COL23A1: variants seen among roughly 807,000 people sequenced by gnomAD.
COL23A1 encodes the protein collagen type XXIII alpha 1 chain, also known as collagen alpha-1(XXIII) chain.
A neutral mutation model predicts 99.3 loss-of-function variants in COL23A1; 97 were observed. The ratio of observed to expected loss-of-function variants is 0.98; its 90% CI spans 0.83 to 1.16. COL23A1 has a LOEUF of 1.16. Among genes scored for constraint, COL23A1 ranks in the 50% most tolerant of loss-of-function variants. The probability of loss-of-function intolerance (pLI) is 0.00; values close to 1 mark genes in which losing one functional copy is unlikely to be tolerated. For missense variants in COL23A1, 762 were observed against 757.4 expected (o/e 1.01, Z -0.07); for synonymous variants, 320 against 308.2 (o/e 1.04, Z -0.40).
intron 27 of COL23A1, among the ~76,000 whole-genome samples, chr5:178,241,385 C>T (rs1764389476): frequency 1.3e-5 from 2 of 152,100 alleles, no homozygotes. Context: ...GAGGGAGGTG[C>T]TGCCCCAGCC....
intron 5 of COL23A1, among the ~76,000 whole-genome samples, chr5:178,274,550 A>T (rs922168292): frequency 4.0e-5 from 6 of 148,678 alleles, no homozygotes; most frequent in South Asian, 4.2e-4. Context: ...GGGCGGGGGC[A>T]TGCCTTGGGT....
chr5:178,351,567 G>T (rs570475661), intron 2 of COL23A1, among the ~76,000 whole-genome samples: 3 of 152,292 alleles, frequency 2.0e-5, no homozygotes, highest in Non-Finnish European at 1.5e-5. Context: ...TAACAGGAAG[G>T]ATGAGACAGA....
chr5:178,358,691 GTA>G (rs1761996630), intron 2 of COL23A1, among the ~76,000 whole-genome samples: 1 of 146,178 alleles, frequency 6.8e-6, no homozygotes, highest in Non-Finnish European at 1.5e-5. Flanking sequence ...GTATGTGTGT[GTA>G]TGTATGTGTA....
intron 2 of COL23A1, among the ~76,000 whole-genome samples, chr5:178,339,254 A>G (rs1374024304): frequency 6.6e-6 from 1 of 152,148 alleles, no homozygotes; most frequent in East Asian, 1.9e-4. Flanking sequence ...ACCTCCTAAG[A>G]GATGGACAGG....
At chr5:178,293,074 C>G (rs1232837067) in intron 3 of COL23A1, among the ~76,000 whole-genome samples, 1 of 151,864 alleles carries the variant, frequency 6.6e-6, no homozygotes, top group Admixed American at 6.6e-5. Context: ...GGGATGTGGA[C>G]AGTGGGTGCT....
chr5:178,503,519 G>C (rs1758692430), intron 2 of COL23A1, among the ~76,000 whole-genome samples: 1 of 152,180 alleles, frequency 6.6e-6, no homozygotes, highest in Non-Finnish European at 1.5e-5. Flanking sequence ...TAATGTGGTT[G>C]TGTAAGAGAA....
chr5:178,318,069 G>C (rs1460193561), intron 2 of COL23A1, among the ~76,000 whole-genome samples: 2 of 152,196 alleles, frequency 1.3e-5, no homozygotes, highest in African/African-American at 4.8e-5. Context: ...CCGTATCAGG[G>C]AGGGACAAAG....
At chr5:178,491,250 T>C (rs1020726249) in intron 2 of COL23A1, among the ~76,000 whole-genome samples, 2 of 152,104 alleles carry the variant, frequency 1.3e-5, no homozygotes, top group African/African-American at 2.4e-5. Flanking sequence ...CCCCTCATCC[T>C]CGTGGCCATC....
intron 1 of COL23A1, among the ~76,000 whole-genome samples, chr5:178,563,658 A>G (rs1762714263): frequency 6.7e-6 from 1 of 149,534 alleles, no homozygotes; most frequent in Non-Finnish European, 1.5e-5. Flanking sequence ...CAGCCTCCTG[A>G]GTAGCTGAGT....
chr5:178,386,259 T>C (rs529599170), intron 2 of COL23A1, among the ~76,000 whole-genome samples: 7 of 152,060 alleles, frequency 4.6e-5, no homozygotes, highest in Non-Finnish European at 1.0e-4. Flanking sequence ...GGCAACACGG[T>C]GAAACCCCGT....
At chr5:178,252,500 G>T in intron 17 of COL23A1, 44 bp downstream of exon 17, 1 of 1,570,008 alleles carries the variant, frequency 6.4e-7, no homozygotes, top group Non-Finnish European at 8.7e-7. Context: ...GGTGGGCCCT[G>T]GAGACAAATG....
At chr5:178,556,796 A>T (rs1167057860) in intron 2 of COL23A1, among the ~76,000 whole-genome samples, 2 of 150,830 alleles carry the variant, frequency 1.3e-5, no homozygotes, top group Non-Finnish European at 3.0e-5. Flanking sequence ...CTACTAAAAA[A>T]ACAAAAATTA....
chr5:178,319,490 C>T (rs1759166910), intron 2 of COL23A1, among the ~76,000 whole-genome samples: 1 of 152,164 alleles, frequency 6.6e-6, no homozygotes, highest in Non-Finnish European at 1.5e-5. Flanking sequence ...CCACCCTATC[C>T]TACTCAGAGG....
At chr5:178,417,321 G>A (rs752627259) in intron 2 of COL23A1, among the ~76,000 whole-genome samples, 2 of 152,136 alleles carry the variant, frequency 1.3e-5, no homozygotes, top group East Asian at 1.9e-4. Context: ...GCCAATCTAA[G>A]CTCAGAGGCT....
intron 2 of COL23A1, among the ~76,000 whole-genome samples, chr5:178,429,933 C>T (rs780740744): frequency 1.3e-5 from 2 of 152,164 alleles, no homozygotes; most frequent in Non-Finnish European, 2.9e-5. Flanking sequence ...CAGTTCTGTC[C>T]CCACTGACCG....
chr5:178,242,186 A>T, intron 26 of COL23A1, 58 bp from the exon 27 acceptor site: 1 of 1,500,016 alleles, frequency 6.7e-7, no homozygotes, highest in Non-Finnish European at 9.1e-7. Flanking sequence ...GGAACCTCCA[A>T]CATCTCTCCG....
chr5:178,566,084 G>C (rs1179669300), intron 1 of COL23A1, among the ~76,000 whole-genome samples: 4 of 152,066 alleles, frequency 2.6e-5, no homozygotes, highest in Non-Finnish European at 5.9e-5. Flanking sequence ...GTGAGAGCAT[G>C]TCATTGCACT....
Position 178,365,550 on chromosome 5 carries a change from G to A in COL23A1, c.362-58631C>T, listed in dbSNP as rs963723073. Among the ~76,000 whole-genome samples the A allele has an allele frequency of 6.6e-6, 1 of 152,136 alleles. No homozygotes were observed. Among genetic ancestry groups the A allele is most frequent in the Non-Finnish European group, 1.5e-5 (1 of 68,018 alleles). Reference sequence around the variant, plus strand: ...CAAGCCTCCTTGGCAGGGATGAGGGGTCCTCAGGTCTGGCTGGGCCCACCT... The same window carrying A: ...CAAGCCTCCTTGGCAGGGATGAGGGATCCTCAGGTCTGGCTGGGCCCACCT... On this transcript the variant is annotated intron_variant, in intron 2 of 28. Coordinates refer to ENST00000390654, the MANE Select transcript of COL23A1 (RefSeq NM_173465.4). This position sits in a 1 kb window ranked among gnomAD's most constrained non-coding sequence, Gnocchi z 5.2.
chr5:178,466,536 G>A (rs1349939709), intron 2 of COL23A1, among the ~76,000 whole-genome samples: 1 of 152,158 alleles, frequency 6.6e-6, no homozygotes, highest in East Asian at 1.9e-4. Flanking sequence ...AGAGGAACAG[G>A]ATGTGAGGCA....
Sources: allele counts gnomAD v4.1 joint callset (sites outside exome capture counted in the v4.1 genomes callset), GRCh38; gene constraint gnomAD v4.1.1; non-coding constraint Gnocchi (gnomAD v3.1); transcripts MANE v1.5; gene names NCBI Gene and HGNC (gene_info 2026-07-23, HGNC 2026-07-21).